Variants in EVA1A observed in about 807,000 individuals in gnomAD.
The protein encoded by EVA1A is protein eva-1 homolog A.
Under a neutral mutation model 9.8 loss-of-function variants are expected in EVA1A, and 7 were observed. That is an observed-to-expected ratio of 0.71 (90% confidence interval 0.41 to 1.34). The LOEUF is 1.34. Ranked by LOEUF, EVA1A falls within the 40% of genes most tolerant of loss-of-function variation. EVA1A has a pLI of 0.01. For synonymous variants in EVA1A, 90 were observed against 85.6 expected (o/e 1.05, Z -0.28); for missense variants, 206 against 205.9 (o/e 1.00, Z 0.00).
intron 1 of EVA1A, among the ~76,000 whole-genome samples, chr2:75,529,993 G>C (rs1268624700): frequency 1.3e-5 from 2 of 152,116 alleles, no homozygotes; most frequent in East Asian, 1.9e-4. Flanking sequence ...AAAATTGTTA[G>C]ACCATTCATG....
At chr2:75,536,197 G>A (rs1675889302) in intron 1 of EVA1A, among the ~76,000 whole-genome samples, 1 of 152,064 alleles carries the variant, frequency 6.6e-6, no homozygotes, top group Non-Finnish European at 1.5e-5. Context: ...AATTAGCCAG[G>A]CATGGTGCAC....
intron 1 of EVA1A, among the ~76,000 whole-genome samples, chr2:75,554,958 T>A (rs1165025869): frequency 6.6e-6 from 1 of 152,236 alleles, no homozygotes; most frequent in Non-Finnish European, 1.5e-5. Context: ...ACCATGAGCA[T>A]CTTGAGGTCC....
chr2:75,500,316 T>C (rs1030422954), intron 3 of EVA1A, among the ~76,000 whole-genome samples: 1 of 152,224 alleles, frequency 6.6e-6, no homozygotes, highest in Non-Finnish European at 1.5e-5. Context: ...CGGATCACTC[T>C]GATTTTTGGC....
chr2:75,566,317 G>T (rs558552153), intron 1 of EVA1A, among the ~76,000 whole-genome samples: 2 of 152,098 alleles, frequency 1.3e-5, no homozygotes, highest in Admixed American at 1.3e-4. Context: ...CTAGATTCCA[G>T]ATGTAGACAA....
intron 2 of EVA1A, among the ~76,000 whole-genome samples, chr2:75,519,159 G>C (rs769480105): frequency 6.6e-6 from 1 of 152,222 alleles, no homozygotes; most frequent in Non-Finnish European, 1.5e-5. Context: ...AGGCTTTACA[G>C]AGAGCTCCTG....
At chr2:75,526,239 T>C (rs547974366) in intron 1 of EVA1A, 3 of 152,286 alleles carry the variant, frequency 2.0e-5, no homozygotes, top group Non-Finnish European at 4.4e-5. Flanking sequence ...GTAAATTAAG[T>C]GGACAGTTGG....
At chr2:75,568,178 C>A (rs934457777) in intron 1 of EVA1A, among the ~76,000 whole-genome samples, 3 of 152,124 alleles carry the variant, frequency 2.0e-5, no homozygotes, top group Admixed American at 1.3e-4. Flanking sequence ...CCTCCTCATC[C>A]TTATTTCCTC....
At chr2:75,538,733 G>A (rs747159258) in intron 1 of EVA1A, among the ~76,000 whole-genome samples, 9 of 152,264 alleles carry the variant, frequency 5.9e-5, no homozygotes, top group South Asian at 2.1e-4. Context: ...ATTTAAAAAC[G>A]CAATCCCAAA....
chr2:75,539,608 C>G (rs885715), intron 1 of EVA1A, among the ~76,000 whole-genome samples: 70,918 of 151,936 alleles, frequency 0.47, 18,865 homozygotes, highest in African/African-American at 0.74. Flanking sequence ...TAGGTTACAG[C>G]TGATAGAAAA....
intron 3 of EVA1A, among the ~76,000 whole-genome samples, chr2:75,515,360 A>T (rs528696697): frequency 6.6e-6 from 1 of 152,340 alleles, no homozygotes; most frequent in Admixed American, 6.5e-5. Context: ...AGGGAGATTA[A>T]GGTATGATGT....
At chr2:75,508,048 TC>T (rs1475353138) in intron 3 of EVA1A, among the ~76,000 whole-genome samples, 1 of 152,204 alleles carries the variant, frequency 6.6e-6, no homozygotes, top group Non-Finnish European at 1.5e-5. Flanking sequence ...ACTTATCACT[TC>T]CCCAATCAAT....
chr2:75,559,408 G>A (rs1270986473), intron 1 of EVA1A, among the ~76,000 whole-genome samples: 1 of 152,208 alleles, frequency 6.6e-6, no homozygotes, highest in Non-Finnish European at 1.5e-5. Flanking sequence ...GAAGGCCCCA[G>A]CCAGGATTCA....
intron 1 of EVA1A, among the ~76,000 whole-genome samples, chr2:75,538,896 T>C (rs1215328095): frequency 6.6e-6 from 1 of 152,238 alleles, no homozygotes; most frequent in Non-Finnish European, 1.5e-5. Context: ...TGAGAAATCC[T>C]TGTGATGATG....
At chr2:75,505,060 G>A (rs529811825) in intron 3 of EVA1A, among the ~76,000 whole-genome samples, 37 of 152,260 alleles carry the variant, frequency 2.4e-4, no homozygotes, top group African/African-American at 8.7e-4. Context: ...CCAATCCACT[G>A]GCTCACTTTT....
upstream of EVA1A, among the ~76,000 whole-genome samples, chr2:75,561,613 G>C (rs1676923573): frequency 6.6e-6 from 1 of 152,158 alleles, no homozygotes; most frequent in South Asian, 2.1e-4. Flanking sequence ...TCGTCATAGG[G>C]GAAGAGTGCA....
chr2:75,546,624 C>T (rs1465061701), intron 1 of EVA1A, among the ~76,000 whole-genome samples: 2 of 152,120 alleles, frequency 1.3e-5, no homozygotes, highest in Non-Finnish European at 2.9e-5. Context: ...ACTCAGGGAT[C>T]TTGGTCAGAG....
rs1426919582 is a variant in EVA1A, at chr2:75,518,071, A to G, written c.70T>C (p.Tyr24His). 3.2e-5 allele frequency: 51 copies of G among 1,613,998 alleles called. No homozygotes were observed. Among genetic ancestry groups the G allele is most frequent in the Admixed American group, 6.7e-5 (4 of 60,004 alleles). ...AGGCACCTACCTGAGACAAAGGAATAGGCCGCTAGGATGTTGCTGAGCAAA... is the reference window on the plus strand; with the variant it reads ...AGGCACCTACCTGAGACAAAGGAATGGGCCGCTAGGATGTTGCTGAGCAAA... ...MALLSNILAA[Y>H]SFVSENPERA... Residue 24 changes from tyrosine to histidine, a missense_variant, in exon 3 of 4, where the codon TAT becomes CAT. Coordinates refer to ENST00000393913, the MANE Select transcript of EVA1A (RefSeq NM_001135032.2).
intron 3 of EVA1A, among the ~76,000 whole-genome samples, chr2:75,494,135 T>C (rs1250114499): frequency 2.0e-5 from 3 of 152,064 alleles, no homozygotes; most frequent in East Asian, 3.9e-4. Flanking sequence ...AGAAATACAG[T>C]TGACCCTTGG....
Position 75,492,994 on chromosome 2 carries a change from G to T in EVA1A, c.*242C>A. On this transcript the variant is annotated 3_prime_UTR_variant, in exon 4 of 4. Transcript: ENST00000393913. ...TTCTCCGATCTCCATCCACAGTGTT[G>T]GAGAGGATTTTTCAGCACCATTCCG... 1.8e-6 allele frequency: 1 copy of T among 547,428 alleles called. No individual in the cohort carries two copies. The highest frequency in any genetic ancestry group is 4.9e-4 in the Middle Eastern group (1 of 2,060). 33.9% of individuals were successfully genotyped at this position (547,428 alleles called of 1,614,324 possible). A position where few individuals can be genotyped will look rare whatever the true frequency, so the allele number is the denominator to read the frequency against.
Sources: gnomAD v4.1 joint callset for allele counts (sites outside exome capture counted in the v4.1 genomes callset) on GRCh38, gnomAD v4.1.1 for gene constraint, MANE v1.5 for transcripts, NCBI Gene and HGNC (gene_info 2026-07-23, HGNC 2026-07-21) for gene names.